MAD1L1: variants seen among roughly 807,000 people sequenced by gnomAD.
The protein encoded by MAD1L1 is mitotic arrest deficient 1 like 1.
A neutral mutation model predicts 96.9 loss-of-function variants in MAD1L1; 95 were observed. The ratio of observed to expected loss-of-function variants is 0.98; its 90% CI spans 0.83 to 1.16. The LOEUF (loss-of-function observed/expected upper bound fraction) is 1.16, where lower values mean the gene tolerates loss of function less well. MAD1L1 is among the 50% of genes most tolerant of loss of function. The pLI is 0.00. For synonymous variants in MAD1L1, 473 were observed against 396.6 expected, an observed-to-expected ratio of 1.19 and a Z score of -2.29; for missense variants, 1,007 against 954.4, an observed-to-expected ratio of 1.06 and a Z score of -0.73.
At chr7:1,889,607 G>A (rs925775058) in intron 18 of MAD1L1, among the ~76,000 whole-genome samples, 1 of 152,208 alleles carries the variant, frequency 6.6e-6, no homozygotes, top group Non-Finnish European at 1.5e-5. Flanking sequence ...GCAGAGAGAT[G>A]CTTCACGGAG....
chr7:1,838,596 G>C (rs948114589), intron 18 of MAD1L1: 1 of 368,950 alleles, frequency 2.7e-6, no homozygotes, highest in African/African-American at 2.1e-5. Context: ...ACTCGCCGCT[G>C]AGCCCATCTC....
Position 1,897,840 on chromosome 7 carries a change from G to A in MAD1L1, c.1998+360C>T, listed in dbSNP as rs527945457. ...GGCGTCCCCTGCCCCGGCCCCACACGGACTTCAGTCCTCCCCAGGCACCAC... is the reference window on the plus strand; with the variant it reads ...GGCGTCCCCTGCCCCGGCCCCACACAGACTTCAGTCCTCCCCAGGCACCAC... On this transcript the variant is annotated intron_variant, in intron 18 of 18. Coordinates refer to ENST00000265854, the MANE Select transcript of MAD1L1 (RefSeq NM_001013836.2). 4.6e-5 allele frequency among the ~76,000 whole-genome samples: 7 copies of A among 152,332 alleles called. No homozygotes were observed. The South Asian group carries it at 1.4e-3, about 32-fold the overall frequency.
chr7:2,215,410 T>C (rs1793214935), intron 9 of MAD1L1, among the ~76,000 whole-genome samples: 1 of 146,326 alleles, frequency 6.8e-6, no homozygotes, highest in South Asian at 2.1e-4. Flanking sequence ...ACAAATGTAA[T>C]ATTTTATAGT....
At chr7:2,007,660 C>T (rs1156947584) in intron 13 of MAD1L1, among the ~76,000 whole-genome samples, 1 of 152,126 alleles carries the variant, frequency 6.6e-6, no homozygotes, top group Non-Finnish European at 1.5e-5. Context: ...GGCGACTGAG[C>T]GAGACTCTGT....
intron 11 of MAD1L1, among the ~76,000 whole-genome samples, chr7:2,143,533 G>C (rs1194069235): frequency 6.6e-6 from 1 of 151,744 alleles, no homozygotes; most frequent in Non-Finnish European, 1.5e-5. Flanking sequence ...AGCACCGTCT[G>C]TGACAGAAAA....
At chr7:1,870,914 C>A (rs1235000469) in intron 18 of MAD1L1, among the ~76,000 whole-genome samples, 2 of 148,130 alleles carry the variant, frequency 1.4e-5, no homozygotes, top group Non-Finnish European at 3.0e-5. Context: ...TAACACCTGC[C>A]ACGCTGAACC....
At chr7:1,858,855 T>C (rs775048598) in intron 18 of MAD1L1, among the ~76,000 whole-genome samples, 1 of 152,192 alleles carries the variant, frequency 6.6e-6, no homozygotes, top group Non-Finnish European at 1.5e-5. Flanking sequence ...CCCTCCTGGC[T>C]TCAGGGACAG....
chr7:2,219,271 G>A (rs1297194834), intron 6 of MAD1L1, 61 bp downstream of exon 6: 4 of 1,452,340 alleles, frequency 2.8e-6, no homozygotes, highest in Non-Finnish European at 3.7e-6. Flanking sequence ...CCAGGAGAGA[G>A]GTGGGACGCA....
intron 14 of MAD1L1, among the ~76,000 whole-genome samples, chr7:1,986,957 C>T (rs1409652291): frequency 1.3e-5 from 2 of 152,106 alleles, no homozygotes; most frequent in African/African-American, 4.8e-5. Flanking sequence ...TGCACCTCCC[C>T]GCCAGGCCAG....
chr7:1,871,729 C>G (rs541267831), intron 18 of MAD1L1, among the ~76,000 whole-genome samples: 1 of 150,772 alleles, frequency 6.6e-6, no homozygotes, highest in African/African-American at 2.4e-5. Context: ...ACACCTGCCA[C>G]GCTGAACCCA....
At chr7:1,935,604 A>G (rs951956993) in intron 17 of MAD1L1, among the ~76,000 whole-genome samples, 4 of 152,184 alleles carry the variant, frequency 2.6e-5, no homozygotes, top group Non-Finnish European at 5.9e-5. Context: ...ATCACTCCTG[A>G]TACATCAGCC....
intron 11 of MAD1L1, among the ~76,000 whole-genome samples, chr7:2,134,325 G>A (rs1045991234): frequency 3.9e-5 from 6 of 152,070 alleles, no homozygotes; most frequent in African/African-American, 1.4e-4. Flanking sequence ...AGCAGCTGAC[G>A]GCGTGTATGG....
At chr7:1,993,034 T>C (rs1781417185) in intron 14 of MAD1L1, among the ~76,000 whole-genome samples, 1 of 152,224 alleles carries the variant, frequency 6.6e-6, no homozygotes. Flanking sequence ...TCCCATAATT[T>C]TTCAAGATAA....
chr7:1,863,742 G>A (rs979036356), intron 18 of MAD1L1, among the ~76,000 whole-genome samples: 7 of 152,164 alleles, frequency 4.6e-5, no homozygotes, highest in Non-Finnish European at 8.8e-5. Flanking sequence ...GGAACACCGT[G>A]GGCTCCCGTG....
intron 10 of MAD1L1, among the ~76,000 whole-genome samples, chr7:2,180,130 C>T (rs1012679564): frequency 6.6e-6 from 1 of 152,178 alleles, no homozygotes; most frequent in Admixed American, 6.5e-5. Flanking sequence ...CTCACCAGAA[C>T]GCTGACACAG....
intron 12 of MAD1L1, among the ~76,000 whole-genome samples, chr7:2,047,852 C>G (rs1202273549): frequency 6.6e-6 from 1 of 152,228 alleles, no homozygotes; most frequent in Non-Finnish European, 1.5e-5. Flanking sequence ...TGCACAATCA[C>G]ACACGTGCAC....
At chr7:2,125,158 T>A (rs889205869) in intron 11 of MAD1L1, among the ~76,000 whole-genome samples, 2 of 151,968 alleles carry the variant, frequency 1.3e-5, no homozygotes, top group African/African-American at 4.8e-5. Context: ...AGACCCCGGG[T>A]CATGCAGCCC....
intron 11 of MAD1L1, chr7:2,148,712 C>T (rs1789428247): frequency 6.0e-6 from 1 of 167,774 alleles, no homozygotes; most frequent in Admixed American, 5.9e-5. Context: ...GAGTGAGGGG[C>T]ATGTCTCTTG....
chr7:1,891,203 T>C (rs892985081), intron 18 of MAD1L1, among the ~76,000 whole-genome samples: 3 of 152,226 alleles, frequency 2.0e-5, no homozygotes, highest in Non-Finnish European at 4.4e-5. Context: ...TAGGATGTGC[T>C]TGTGCTTTAA....
Sources: gnomAD v4.1 joint callset for allele counts (sites outside exome capture counted in the v4.1 genomes callset) on GRCh38, gnomAD v4.1.1 for gene constraint, MANE v1.5 for transcripts, NCBI Gene and HGNC (gene_info 2026-07-23, HGNC 2026-07-21) for gene names.